The following ADCY2 variants were observed in gnomAD, a reference collection of about 807,000 sequenced individuals.
ADCY2 encodes the protein adenylate cyclase type 2.
Under a neutral mutation model 125.2 loss-of-function variants are expected in ADCY2, and 31 were observed. That is an observed-to-expected ratio of 0.25 (90% CI 0.19 to 0.33). The LOEUF is 0.33. ADCY2 is among the 10% of genes least tolerant of loss of function. The pLI is 1.00. For missense variants in ADCY2, 904 were observed against 1,418.2 expected, an observed-to-expected ratio of 0.64 and a Z score of 5.82; for synonymous variants, 512 against 548.4, an observed-to-expected ratio of 0.93 and a Z score of 0.93.
rs1395524621 is a variant in ADCY2 at position 7,766,780 on chromosome 5, C to G, written c.2188C>G (p.Arg730Gly). The part of the protein sequence containing the change: ...SASNNQVAIL[R>G]AQNLFFLPYF... ...CTCAAATAATCAGGTGGCGATTCTG[C>G]GTGCGCAGAATTTATTTTTCCTCCC... Residue 730 changes from arginine (R) to glycine (G), a missense_variant, in exon 17 of 25, where the codon CGT becomes GGT. Arg to Gly is a moderately radical substitution (Grantham distance 125, BLOSUM62 -2). This residue lies in a region of ADCY2 where 221 missense variants were observed against 246.2 expected (regional missense o/e 0.90). Transcript: ENST00000338316. 6.2e-7 allele frequency: 1 copy of G among 1,609,678 alleles called. No individual in the cohort carries two copies. The highest frequency in any genetic ancestry group is 8.5e-7 in the Non-Finnish European group (1 of 1,179,064).
intron 3 of ADCY2, among the ~76,000 whole-genome samples, chr5:7,594,022 G>A (rs1736928561): frequency 6.6e-6 from 1 of 152,198 alleles, no homozygotes; most frequent in Admixed American, 6.5e-5. Flanking sequence ...TGGAGAGGTG[G>A]ACGTGGGTGG....
chr5:7,579,269 G>C (rs757140142), intron 3 of ADCY2, among the ~76,000 whole-genome samples: 8 of 152,180 alleles, frequency 5.3e-5, no homozygotes, highest in Non-Finnish European at 1.0e-4. Context: ...TCTTTTTATA[G>C]ATTTTGGCCT....
At chr5:7,521,115 G>A (rs75737763) in intron 3 of ADCY2, among the ~76,000 whole-genome samples, 3,002 of 152,300 alleles carry the variant, frequency 0.02, 121 homozygotes, top group African/African-American at 0.068. Context: ...AACTGTAAAA[G>A]TAATGGTAGC....
chr5:7,766,563 G>A lies in ADCY2; in HGVS notation c.2095-124G>A, dbSNP rs16879034. ...AATTACTTATTCAATAGAAATTCCC[G>A]AGTCCACATAAACAATCCTGTTTAC... On this transcript the variant is annotated intron_variant, in intron 16 of 24. Transcript: ENST00000338316. 1.7e-3 allele frequency: 1,551 copies of A among 904,846 alleles called. 18 individuals carry two copies. The African/African-American group carries it at 0.023, about 13-fold the overall frequency. The allele number at this position is 904,846 out of a possible 1,614,324, so 56.1% of individuals were successfully genotyped here.
At chr5:7,485,379 G>C (rs1409032988) in intron 2 of ADCY2, among the ~76,000 whole-genome samples, 1 of 152,014 alleles carries the variant, frequency 6.6e-6, no homozygotes, top group East Asian at 1.9e-4. Context: ...ACAAAGACAT[G>C]AATGTAAAAT....
At chr5:7,413,778 T>C (rs1015464583) in intron 1 of ADCY2, among the ~76,000 whole-genome samples, 4 of 152,172 alleles carry the variant, frequency 2.6e-5, no homozygotes, top group African/African-American at 9.7e-5. Flanking sequence ...AAATGAAACA[T>C]AATGTCTGTA....
chr5:7,487,411 G>A (rs1272792680), intron 2 of ADCY2, among the ~76,000 whole-genome samples: 1 of 151,942 alleles, frequency 6.6e-6, no homozygotes, highest in Non-Finnish European at 1.5e-5. Context: ...TCCTTTTATG[G>A]GCCTCATCAT....
intron 14 of ADCY2, among the ~76,000 whole-genome samples, chr5:7,741,931 ATCACCG>A (rs1742446518): frequency 1.3e-5 from 2 of 152,076 alleles, no homozygotes; most frequent in Non-Finnish European, 2.9e-5. Context: ...CATCATTACC[ATCACCG>A]TCATTATTAT....
Position 7,563,849 on chromosome 5 carries a change from G to A in ADCY2, c.570+42950G>A, listed in dbSNP as rs541306037. On this transcript the variant is annotated intron_variant, in intron 3 of 24. Coordinates refer to ENST00000338316, the MANE Select transcript of ADCY2 (RefSeq NM_020546.3). The stretch of plus-strand genomic sequence containing the variant: ...TTAGTAACCTTGCAGCACCTTACCC[G>A]TTGTTTATGTTCCATAAATATTGAT... Among the ~76,000 whole-genome samples the A allele has an allele frequency of 4.6e-5, 7 of 152,216 alleles. No individual in the cohort carries two copies. The East Asian group carries it at 1.2e-3, about 25-fold the overall frequency.
intron 4 of ADCY2, among the ~76,000 whole-genome samples, chr5:7,642,150 T>A (rs2973329): frequency 0.63 from 95,401 of 152,084 alleles, 30,352 homozygotes; most frequent in Non-Finnish European, 0.65. Flanking sequence ...CAACAGTATA[T>A]ACATTCCCTT....
intron 3 of ADCY2, among the ~76,000 whole-genome samples, chr5:7,586,828 G>A (rs1028733785): frequency 3.9e-5 from 6 of 152,064 alleles, no homozygotes; most frequent in Admixed American, 1.3e-4. Flanking sequence ...GCTCCTACAT[G>A]GATCCTATTC....
At chr5:7,675,634 A>T (rs998851120) in intron 4 of ADCY2, among the ~76,000 whole-genome samples, 1 of 152,226 alleles carries the variant, frequency 6.6e-6, no homozygotes, top group Non-Finnish European at 1.5e-5. Flanking sequence ...TAACCCTGCG[A>T]TCCCCTACCA....
intron 15 of ADCY2, among the ~76,000 whole-genome samples, chr5:7,745,986 G>A (rs1257767849): frequency 2.0e-5 from 3 of 152,114 alleles, no homozygotes; most frequent in Admixed American, 1.3e-4. Flanking sequence ...TTTCAGCCTC[G>A]CTGGAATCCC....
intron 2 of ADCY2, among the ~76,000 whole-genome samples, chr5:7,516,079 A>C (rs1475014914): frequency 6.6e-6 from 1 of 152,042 alleles, no homozygotes; most frequent in African/African-American, 2.4e-5. Context: ...GTGTTGGAGC[A>C]AGGAAGAACT....
At chr5:7,770,514 A>C (rs992255924) in intron 17 of ADCY2, among the ~76,000 whole-genome samples, 1 of 152,252 alleles carries the variant, frequency 6.6e-6, no homozygotes, top group Non-Finnish European at 1.5e-5. Flanking sequence ...TATCATAATA[A>C]TAGCAGAATT....
At chr5:7,544,589 A>G (rs1735093216) in intron 3 of ADCY2, among the ~76,000 whole-genome samples, 1 of 152,084 alleles carries the variant, frequency 6.6e-6, no homozygotes, top group Admixed American at 6.5e-5. Flanking sequence ...CACGTGTGCA[A>G]AGTCCCTTTT....
At chr5:7,627,548 C>G (rs1738176433) in intron 4 of ADCY2, among the ~76,000 whole-genome samples, 1 of 152,180 alleles carries the variant, frequency 6.6e-6, no homozygotes, top group Non-Finnish European at 1.5e-5. Flanking sequence ...TGTGCTCCCC[C>G]TCCCTGTGGG....
chr5:7,575,652 A>G (rs1438189244), intron 3 of ADCY2, among the ~76,000 whole-genome samples: 1 of 152,150 alleles, frequency 6.6e-6, no homozygotes, highest in East Asian at 1.9e-4. Context: ...CATACCTTTG[A>G]TAAAGCCATT....
chr5:7,597,397 G>A (rs1301738241), intron 3 of ADCY2, among the ~76,000 whole-genome samples: 1 of 152,238 alleles, frequency 6.6e-6, no homozygotes, highest in African/African-American at 2.4e-5. Context: ...GCAGTGAGAT[G>A]CTTCTAGGCT....
Sources: gnomAD v4.1 joint callset for allele counts (sites outside exome capture counted in the v4.1 genomes callset) on GRCh38, gnomAD v4.1.1 for gene constraint, gnomAD v4.1.1 regional missense constraint, MANE v1.5 for transcripts, NCBI Gene and HGNC (gene_info 2026-07-23, HGNC 2026-07-21) for gene names.